The following CALM3 variants were observed in gnomAD, a reference collection of about 807,000 sequenced individuals.
CALM3 encodes the protein calmodulin 3.
A neutral mutation model predicts 20.1 loss-of-function variants in CALM3; 5 were observed. The observed-to-expected ratio is 0.25, with a 90% CI of 0.13 to 0.52. CALM3 has a LOEUF of 0.52. CALM3 is among the 20% of genes least tolerant of loss of function. The pLI is 0.96. For synonymous variants in CALM3, 69 were observed against 68.1 expected (o/e 1.01, Z -0.06); for missense variants, 57 against 192.8 (o/e 0.30, Z 4.17).
rs1012730078 is a variant in CALM3 at position 46,601,758 on chromosome 19, C to G, written c.3+321C>G. Reference sequence around the variant, plus strand: ...GGACCCCTCAAAAGGATTTTGGACCCAGGATGGGGCGTTGGGTTTCAGGAT... The same window carrying G: ...GGACCCCTCAAAAGGATTTTGGACCGAGGATGGGGCGTTGGGTTTCAGGAT... On this transcript the variant is annotated intron_variant, in intron 1 of 5. Transcript: ENST00000291295. This position sits in a 1 kb window ranked among gnomAD's most constrained non-coding sequence, Gnocchi z 4.2. Among the ~76,000 whole-genome samples the G allele has an allele frequency of 1.3e-5, 2 of 152,116 alleles. No individual in the cohort carries two copies. The highest frequency in any genetic ancestry group is 2.4e-5 in the African/African-American group (1 of 41,406).
chr19:46,608,984 G>A lies in CALM3; in HGVS notation c.421+3G>A, dbSNP rs879235161. On this transcript the variant is annotated splice_donor_region_variant and intron_variant, in intron 5 of 5. Transcript: ENST00000291295. The surrounding 1 kb of genome is among the most constrained non-coding windows in gnomAD (Gnocchi z 5.5). ...AGATGGCCAGGTCAATTATGAAGGTGAGTCAAGGCCAGGCTTGATCTCTGG... is the reference window on the plus strand; with the variant it reads ...AGATGGCCAGGTCAATTATGAAGGTAAGTCAAGGCCAGGCTTGATCTCTGG... 5.6e-6 allele frequency: 9 copies of A among 1,602,032 alleles called. No individual in the cohort carries two copies. The highest frequency in any genetic ancestry group is 7.7e-6 in the Non-Finnish European group (9 of 1,173,436).
chr19:46,606,798 C>A (rs1555814002), intron 2 of CALM3, among the ~76,000 whole-genome samples: 1 of 152,162 alleles, frequency 6.6e-6, no homozygotes, highest in Non-Finnish European at 1.5e-5. Context: ...TGCCCGAGGA[C>A]AGAGAGCAAC....
chr19:46,608,098 A>G lies in CALM3; in HGVS notation c.35-99A>G, dbSNP rs1348600188. 6.0e-6 allele frequency: 7 copies of G among 1,158,526 alleles called. 1 individual carries two copies. In the Admixed American group the frequency reaches 8.2e-5, roughly 14 times the overall value. 71.8% of individuals were successfully genotyped at this position (1,158,526 alleles called of 1,614,324 possible). ...GTCTCAGTTTCTTTAGGTGGGACTG[A>G]TGCCCTTGGCCTTCCTCCAGGGAAG... On this transcript the variant is annotated intron_variant, in intron 2 of 5. Coordinates refer to ENST00000291295, the MANE Select transcript of CALM3 (RefSeq NM_005184.4). The surrounding 1 kb of genome is among the most constrained non-coding windows in gnomAD (Gnocchi z 5.5).
intron 2 of CALM3, among the ~76,000 whole-genome samples, chr19:46,606,881 C>T (rs567731595): frequency 6.6e-6 from 1 of 152,276 alleles, no homozygotes; most frequent in Non-Finnish European, 1.5e-5. Flanking sequence ...TGGGCCTCTG[C>T]TCCCCACCAG....
At chr19:46,607,594 A>C (rs1322699045) in intron 2 of CALM3, among the ~76,000 whole-genome samples, 1 of 151,496 alleles carries the variant, frequency 6.6e-6, no homozygotes, top group Admixed American at 6.6e-5. Context: ...AACCCCACGC[A>C]CTGTCCGTCA....
chr19:46,607,075 G>A (rs557536609), intron 2 of CALM3, among the ~76,000 whole-genome samples: 2 of 152,324 alleles, frequency 1.3e-5, no homozygotes, highest in East Asian at 3.9e-4. Flanking sequence ...GACCCCTGAG[G>A]AAAGCCAGAA....
In CALM3 at chr19:46,608,091, G is replaced by A. The variant is rs1971781448; in HGVS notation, c.35-106G>A. The stretch of plus-strand genomic sequence containing the variant: ...GAAGTCTGTCTCAGTTTCTTTAGGT[G>A]GGACTGATGCCCTTGGCCTTCCTCC... On this transcript the variant is annotated intron_variant, in intron 2 of 5. Transcript: ENST00000291295. The surrounding 1 kb of genome is among the most constrained non-coding windows in gnomAD (Gnocchi z 5.5). The A allele has an allele frequency of 2.8e-6, 3 of 1,055,342 alleles. No individual in the cohort carries two copies. Among genetic ancestry groups the A allele is most frequent in the South Asian group, 1.5e-5 (1 of 67,370 alleles). The allele number at this position is 1,055,342 out of a possible 1,614,324, so 65.4% of individuals were successfully genotyped here. A position where few individuals can be genotyped will look rare whatever the true frequency, so the allele number is the denominator to read the frequency against.
At chr19:46,601,193 G>A, upstream of CALM3, 1 of 405,824 alleles carries the variant, frequency 2.5e-6, no homozygotes, top group South Asian at 3.7e-5. This position sits in a 1 kb window ranked among gnomAD's most constrained non-coding sequence, Gnocchi z 4.2. Context: ...AGCGGGGCGC[G>A]GAGGGATCCG....
rs1189226278 is a variant in CALM3 at position 46,608,377 on chromosome 19, G to A, written c.178+37G>A. ...AGAGCGCGTGGGCAGCCCTGCTCCT[G>A]GTCACCCCGAGTGACTGCAGGGAGC... is the stretch of plus-strand genomic sequence containing the variant. On this transcript the variant is annotated intron_variant, in intron 3 of 5. Coordinates refer to ENST00000291295, the MANE Select transcript of CALM3 (RefSeq NM_005184.4). The surrounding 1 kb of genome is among the most constrained non-coding windows in gnomAD (Gnocchi z 5.5). 5 of 1,612,714 alleles carry A rather than the reference G, an allele frequency of 3.1e-6. No homozygotes were observed. Among genetic ancestry groups the A allele is most frequent in the East Asian group, 2.2e-5 (1 of 44,864 alleles).
chr19:46,602,000 G>A lies in CALM3; in HGVS notation c.3+563G>A. On this transcript the variant is annotated intron_variant, in intron 1 of 5. Coordinates refer to ENST00000291295, the MANE Select transcript of CALM3 (RefSeq NM_005184.4). This position sits in a 1 kb window ranked among gnomAD's most constrained non-coding sequence, Gnocchi z 4.2. ...TGGAGCAGAGGAGAGGGTCAAGGATGGGCGGTCACTTCTACAGATGAGACT... is the reference window on the plus strand; with the variant it reads ...TGGAGCAGAGGAGAGGGTCAAGGATAGGCGGTCACTTCTACAGATGAGACT... 2 of 895,256 alleles carry A rather than the reference G, an allele frequency of 2.2e-6. No individual in the cohort carries two copies. Among genetic ancestry groups the A allele is most frequent in the Non-Finnish European group, 3.1e-6 (2 of 649,152 alleles). 55.5% of individuals were successfully genotyped at this position (895,256 alleles called of 1,614,324 possible).
chr19:46,604,407 G>A (rs1041857314), intron 1 of CALM3, among the ~76,000 whole-genome samples: 12 of 151,880 alleles, frequency 7.9e-5, no homozygotes, highest in Non-Finnish European at 1.5e-4. Flanking sequence ...TTTACACTTT[G>A]GACTTTTCCA....
At position 46,605,144 on chromosome 19, in the gene CALM3, A is replaced by G. The variant is rs1296395815; in HGVS notation, c.4-683A>G. 6.6e-6 allele frequency: 1 copy of G among 152,374 alleles called. No individual in the cohort carries two copies. The highest frequency in any genetic ancestry group is 1.5e-5 in the Non-Finnish European group (1 of 68,170). 9.4% of individuals were successfully genotyped at this position (152,374 alleles called of 1,614,324 possible). A position where few individuals can be genotyped will look rare whatever the true frequency, so the allele number is the denominator to read the frequency against. ...GACGTTTGTCCCTTCTGCCCAAAAG[A>G]AACAAAACAGAATGGCCCTGTGCCC... On this transcript the variant is annotated intron_variant, in intron 1 of 5. Coordinates refer to ENST00000291295, the MANE Select transcript of CALM3 (RefSeq NM_005184.4). This position sits in a 1 kb window ranked among gnomAD's most constrained non-coding sequence, Gnocchi z 4.1.
In CALM3 at chr19:46,601,656, G is replaced by A. The variant is rs1447833738; in HGVS notation, c.3+219G>A. The stretch of plus-strand genomic sequence containing the variant: ...AAGCGACTTTAGCACCAAATGGGAT[G>A]TTTAAGTCCACAAATGGGTATCTGA... On this transcript the variant is annotated intron_variant, in intron 1 of 5. Coordinates refer to ENST00000291295, the MANE Select transcript of CALM3 (RefSeq NM_005184.4). The surrounding 1 kb of genome is among the most constrained non-coding windows in gnomAD (Gnocchi z 4.2). 6.6e-6 allele frequency among the ~76,000 whole-genome samples: 1 copy of A among 152,230 alleles called. No individual in the cohort carries two copies. The highest frequency in any genetic ancestry group is 6.5e-5 in the Admixed American group (1 of 15,292).
At position 46,608,119 on chromosome 19, in the gene CALM3, G is replaced by A; in HGVS notation, c.35-78G>A. On this transcript the variant is annotated intron_variant, in intron 2 of 5. Transcript: ENST00000291295. The surrounding 1 kb of genome is among the most constrained non-coding windows in gnomAD (Gnocchi z 5.5). Reference sequence around the variant, plus strand: ...ACTGATGCCCTTGGCCTTCCTCCAGGGAAGGCATCCAGCATCCAGAGGTAA... The same window carrying A: ...ACTGATGCCCTTGGCCTTCCTCCAGAGAAGGCATCCAGCATCCAGAGGTAA... 2 of 1,452,962 alleles carry A rather than the reference G, an allele frequency of 1.4e-6. No homozygotes were observed. The highest frequency in any genetic ancestry group is 1.3e-5 in the South Asian group (1 of 78,692). The allele number at this position is 1,452,962 out of a possible 1,614,324, so 90.0% of individuals were successfully genotyped here.
Position 46,608,683 on chromosome 19 carries a change from TC to T in CALM3, c.285+97del. The T allele has an allele frequency of 7.7e-7, 1 of 1,293,858 alleles. No homozygotes were observed. Among genetic ancestry groups the T allele is most frequent in the South Asian group, 1.3e-5 (1 of 78,606 alleles). The allele number at this position is 1,293,858 out of a possible 1,614,324, so 80.1% of individuals were successfully genotyped here. A position where few individuals can be genotyped will look rare whatever the true frequency, so the allele number is the denominator to read the frequency against. ...CCACGGAGCTACCACTTCCAGGAGGTCCGGGTCCCGGTGCCAGCCTCATTGC... is the reference window on the plus strand; with the variant it reads ...CCACGGAGCTACCACTTCCAGGAGGTCGGGTCCCGGTGCCAGCCTCATTGC... On this transcript the variant is annotated intron_variant, in intron 4 of 5. Coordinates refer to ENST00000291295, the MANE Select transcript of CALM3 (RefSeq NM_005184.4). This position sits in a 1 kb window ranked among gnomAD's most constrained non-coding sequence, Gnocchi z 5.5.
intron 1 of CALM3, among the ~76,000 whole-genome samples, chr19:46,602,930 G>A (rs1971663358): frequency 6.6e-6 from 1 of 152,204 alleles, no homozygotes; most frequent in South Asian, 2.1e-4. Flanking sequence ...CCTCGGGGTG[G>A]GGGCTGCAGA....
Position 46,606,859 on chromosome 19 carries a change from C to T in CALM3, c.34+1002C>T, listed in dbSNP as rs149456199. Reference sequence around the variant, plus strand: ...GCCAGCACACAGTAGACCAGAGTAGCGATCCAGAGAATGGGCCTCTGCTCC... The same window carrying T: ...GCCAGCACACAGTAGACCAGAGTAGTGATCCAGAGAATGGGCCTCTGCTCC... On this transcript the variant is annotated intron_variant, in intron 2 of 5. Transcript: ENST00000291295. Among the ~76,000 whole-genome samples, 4 of 152,276 alleles carry T rather than the reference C, an allele frequency of 2.6e-5. No homozygotes were observed. The East Asian group carries it at 7.7e-4, about 29-fold the overall frequency.
Position 46,605,897 on chromosome 19 carries a change from TC to T in CALM3, c.34+42del. On this transcript the variant is annotated intron_variant, in intron 2 of 5. Coordinates refer to ENST00000291295, the MANE Select transcript of CALM3 (RefSeq NM_005184.4). The surrounding 1 kb of genome is among the most constrained non-coding windows in gnomAD (Gnocchi z 4.1). ...CCCCTCATCTTAGCTCAGGAAAGCC[TC>T]CACATCCCCAGCCAAATCTTAGCCA... is the stretch of plus-strand genomic sequence containing the variant. The T allele has an allele frequency of 6.2e-7, 1 of 1,603,276 alleles. No individual in the cohort carries two copies. Among genetic ancestry groups the T allele is most frequent in the Non-Finnish European group, 8.5e-7 (1 of 1,170,308 alleles).
At position 46,608,552 on chromosome 19, in the gene CALM3, G is replaced by A. The variant is rs755348000; in HGVS notation, c.249G>A (p.Glu83=). ...MARKMKDTDS[E]EEIREAFRVF... is the part of the protein sequence containing the mutation. ...GAAAGATGAAGGACACAGACAGTGA[G>A]GAGGAGATCCGAGAGGCGTTCCGTG... The change falls in exon 4 of 6, where the codon GAG becomes GAA. Residue 83 remains glutamate (E), a synonymous_variant. Transcript: ENST00000291295. The surrounding 1 kb of genome is among the most constrained non-coding windows in gnomAD (Gnocchi z 5.5). 31 of 1,614,036 alleles carry A rather than the reference G, an allele frequency of 1.9e-5. No homozygotes were observed. In the East Asian group the frequency reaches 6.2e-4, roughly 32 times the overall value.
Sources: allele counts gnomAD v4.1 joint callset (sites outside exome capture counted in the v4.1 genomes callset), GRCh38; gene constraint gnomAD v4.1.1; non-coding constraint Gnocchi (gnomAD v3.1); transcripts MANE v1.5; gene names NCBI Gene and HGNC (gene_info 2026-07-23, HGNC 2026-07-21).